SCOC: variants seen among roughly 807,000 people sequenced by gnomAD.
SCOC encodes the protein short coiled coil protein.
A neutral mutation model predicts 9.9 loss-of-function variants in SCOC; 7 were observed. The ratio of observed to expected loss-of-function variants is 0.71; its 90% CI spans 0.40 to 1.33. SCOC has a LOEUF of 1.33. Among genes scored for constraint, SCOC ranks in the 40% most tolerant of loss-of-function variants. SCOC has a pLI of 0.01. For synonymous variants in SCOC, 19 were observed against 28.2 expected, an observed-to-expected ratio of 0.67 and a Z score of 1.03; for missense variants, 66 against 89.7, an observed-to-expected ratio of 0.74 and a Z score of 1.07.
chr4:140,303,629 T>C (rs747570064), intron 1 of SCOC, among the ~76,000 whole-genome samples: 1 of 152,226 alleles, frequency 6.6e-6, no homozygotes, highest in South Asian at 2.1e-4. Flanking sequence ...GTCCTTTCTA[T>C]AGAAAGTTCT....
intron 1 of SCOC, among the ~76,000 whole-genome samples, chr4:140,263,549 T>C (rs1055769023): frequency 6.6e-6 from 1 of 152,016 alleles, no homozygotes; most frequent in Non-Finnish European, 1.5e-5. Flanking sequence ...TGAAAGCAGG[T>C]TATCATCACT....
intron 1 of SCOC, among the ~76,000 whole-genome samples, chr4:140,288,696 T>C (rs1301521893): frequency 6.6e-6 from 1 of 151,722 alleles, no homozygotes; most frequent in Non-Finnish European, 1.5e-5. Flanking sequence ...TACATACATG[T>C]GCCCCAACAC....
At chr4:140,262,113 C>A (rs1398136300) in intron 1 of SCOC, among the ~76,000 whole-genome samples, 1 of 152,198 alleles carries the variant, frequency 6.6e-6, no homozygotes, top group Non-Finnish European at 1.5e-5. Flanking sequence ...CATTGTTTCC[C>A]TGCCTTTTCT....
chr4:140,281,127 G>A (rs1731086678), intron 1 of SCOC, among the ~76,000 whole-genome samples: 1 of 152,124 alleles, frequency 6.6e-6, no homozygotes, highest in Middle Eastern at 3.2e-3. Context: ...CCTGGAGCAG[G>A]CAAGCAGAGC....
chr4:140,340,942 C>T (rs558531043), upstream of SCOC, among the ~76,000 whole-genome samples: 76 of 151,768 alleles, frequency 5.0e-4, no homozygotes, highest in Non-Finnish European at 9.7e-4. Context: ...CAGGCGTGTG[C>T]CACTATGCCT....
intron 1 of SCOC, among the ~76,000 whole-genome samples, chr4:140,267,789 C>G (rs1045659067): frequency 1.3e-5 from 2 of 152,130 alleles, no homozygotes; most frequent in African/African-American, 4.8e-5. Context: ...TTCCTCACCC[C>G]ACCCTGGCTG....
intron 1 of SCOC, among the ~76,000 whole-genome samples, chr4:140,292,153 G>A (rs897884070): frequency 8.0e-5 from 12 of 150,244 alleles, no homozygotes; most frequent in African/African-American, 2.2e-4. Context: ...CCTTGATCAC[G>A]CATGCTCAAA....
chr4:140,306,774 T>TC (rs1196929226), intron 1 of SCOC, among the ~76,000 whole-genome samples: 1 of 59,160 alleles, frequency 1.7e-5, no homozygotes, highest in African/African-American at 2.5e-4. Context: ...AGGAAGTATG[T>TC]TGTAGGTAGG....
At chr4:140,365,172 CAAAAAAA>C (rs3034544) in intron 2 of SCOC, among the ~76,000 whole-genome samples, 2 of 141,582 alleles carry the variant, frequency 1.4e-5, no homozygotes, top group Non-Finnish European at 3.0e-5. Flanking sequence ...ATGGATATGG[CAAAAAAA>C]AAAAAAAAGT....
chr4:140,291,696 G>A (rs1731477419), intron 1 of SCOC, among the ~76,000 whole-genome samples: 1 of 152,156 alleles, frequency 6.6e-6, no homozygotes, highest in Non-Finnish European at 1.5e-5. Flanking sequence ...CTTTGATCAG[G>A]ATTACTGCTT....
intron 1 of SCOC, among the ~76,000 whole-genome samples, chr4:140,332,135 C>T (rs1372389422): frequency 6.6e-6 from 1 of 152,112 alleles, no homozygotes; most frequent in African/African-American, 2.4e-5. Flanking sequence ...GTGATCCAAC[C>T]GCCTGCTACC....
At chr4:140,374,872 C>T (rs1728267394) in intron 1 of SCOC, among the ~76,000 whole-genome samples, 1 of 152,162 alleles carries the variant, frequency 6.6e-6, no homozygotes, top group Admixed American at 6.5e-5. Flanking sequence ...ATTTAGTGTC[C>T]ATATCTGTAA....
At chr4:140,278,427 G>A (rs1731031669) in intron 1 of SCOC, among the ~76,000 whole-genome samples, 1 of 152,078 alleles carries the variant, frequency 6.6e-6, no homozygotes, top group Non-Finnish European at 1.5e-5. Context: ...AGCCTCCTGA[G>A]TAACTGGGAC....
intron 1 of SCOC, among the ~76,000 whole-genome samples, chr4:140,268,189 C>G (rs1730771156): frequency 6.6e-6 from 1 of 152,184 alleles, no homozygotes; most frequent in Admixed American, 6.5e-5. Context: ...TAGAAATAAC[C>G]AAGTGTTCTG....
chr4:140,300,457 G>T lies in SCOC; in HGVS notation c.-19+43047G>T, dbSNP rs115015673. 7.1e-3 allele frequency among the ~76,000 whole-genome samples: 1,083 copies of T among 152,290 alleles called. 16 individuals carry two copies. Among genetic ancestry groups the T allele is most frequent in the East Asian group, 0.026 (135 of 5,168 alleles). On this transcript the variant is annotated intron_variant, in intron 1 of 4. Transcript: ENST00000394205. The stretch of plus-strand genomic sequence containing the variant: ...TCCCCCAGGTACTCCCCAGTGCCTG[G>T]CCTGTGCTGATGACAGCACGTGAGT...
chr4:140,367,058 T>C (rs1396171135), intron 2 of SCOC, among the ~76,000 whole-genome samples: 2 of 151,842 alleles, frequency 1.3e-5, no homozygotes, highest in Admixed American at 6.6e-5. Context: ...ATACAAAAAT[T>C]AGCCGGGTGT....
Position 140,381,169 on chromosome 4 carries a change from A to G in SCOC, c.*65A>G, listed in dbSNP as rs1728559728. 6.7e-7 allele frequency: 1 copy of G among 1,491,490 alleles called. No homozygotes were observed. The highest frequency in any genetic ancestry group is 9.0e-7 in the Non-Finnish European group (1 of 1,111,246). 92.4% of individuals were successfully genotyped at this position (1,491,490 alleles called of 1,614,324 possible). On this transcript the variant is annotated 3_prime_UTR_variant, in exon 4 of 4. Transcript: ENST00000608372. ...CATTTTTTCTTTAAAACTTGGATAG[A>G]TTCCAAAAGTTACAGTACCTTTGTG...
At position 140,362,273 on chromosome 4, in the gene SCOC, C is replaced by CTGTTCTT; in HGVS notation, c.71-16848_71-16847insTGTTCTT. 1.2e-3 allele frequency among the ~76,000 whole-genome samples: 36 copies of CTGTTCTT among 29,052 alleles called. 8 individuals carry two copies. The highest frequency in any genetic ancestry group is 4.2e-3 in the South Asian group (4 of 950). 19.1% of individuals were successfully genotyped at this position (29,052 alleles called of 152,430 possible). A position where few individuals can be genotyped will look rare whatever the true frequency, so the allele number is the denominator to read the frequency against. Reference sequence around the variant, plus strand: ...AAAGACCGGCTAAAGACAGGTGTGTCCTTACTTCTTCTTCTTCTTCTTCTT... The same window carrying CTGTTCTT: ...AAAGACCGGCTAAAGACAGGTGTGTCTGTTCTTCTTACTTCTTCTTCTTCTTCTTCTT... On this transcript the variant is annotated intron_variant, in intron 2 of 4. Coordinates refer to the SCOC transcript ENST00000338517.
chr4:140,349,890 C>A (rs1415875343), intron 2 of SCOC, among the ~76,000 whole-genome samples: 1 of 152,148 alleles, frequency 6.6e-6, no homozygotes, highest in Non-Finnish European at 1.5e-5. Context: ...CTGTAGAGAA[C>A]AATCAATGCC....
Sources: allele counts gnomAD v4.1 joint callset (sites outside exome capture counted in the v4.1 genomes callset), GRCh38; gene constraint gnomAD v4.1.1; transcripts MANE v1.5; gene names NCBI Gene and HGNC (gene_info 2026-07-23, HGNC 2026-07-21).